ERBB4: variants seen among roughly 807,000 people sequenced by gnomAD.
The protein encoded by ERBB4 is receptor tyrosine-protein kinase erbB-4.
ERBB4 carries 42 observed loss-of-function variants against 158.0 expected under a neutral mutation model. That is an observed-to-expected ratio of 0.27 (90% confidence interval 0.21 to 0.34). The LOEUF (loss-of-function observed/expected upper bound fraction) is 0.34. Ranked by LOEUF, ERBB4 falls within the 10% of genes least tolerant of loss-of-function variation. The probability of loss-of-function intolerance (pLI) is 1.00; values close to 1 mark genes in which losing one functional copy is unlikely to be tolerated. For synonymous variants in ERBB4, 583 were observed against 558.7 expected (o/e 1.04, Z -0.61); for missense variants, 1,333 against 1,624.1 (o/e 0.82, Z 3.08).
At chr2:211,450,643 CTGATTGGATGG>C (rs1171665527) in intron 20 of ERBB4, among the ~76,000 whole-genome samples, 2 of 152,128 alleles carry the variant, frequency 1.3e-5, no homozygotes, top group African/African-American at 4.8e-5. Flanking sequence ...GTTAGTGCTA[CTGATTGGATGG>C]TGATATATGC....
chr2:212,220,045 A>C (rs1015056316), intron 1 of ERBB4, among the ~76,000 whole-genome samples: 2 of 151,148 alleles, frequency 1.3e-5, no homozygotes, highest in Non-Finnish European at 3.0e-5. Flanking sequence ...TATTTCAACT[A>C]TCACAGTACC....
At chr2:211,863,088 C>A (rs562854154) in intron 3 of ERBB4, among the ~76,000 whole-genome samples, 1 of 151,942 alleles carries the variant, frequency 6.6e-6, no homozygotes, top group Non-Finnish European at 1.5e-5. Context: ...CTGTGTCTAG[C>A]TAAAGGATTG....
At chr2:211,690,805 A>T (rs1320902580) in intron 12 of ERBB4, among the ~76,000 whole-genome samples, 2 of 152,236 alleles carry the variant, frequency 1.3e-5, no homozygotes, top group Non-Finnish European at 2.9e-5. Context: ...GCAATGGCTT[A>T]CAGTTCAAAA....
intron 3 of ERBB4, among the ~76,000 whole-genome samples, chr2:211,915,455 A>ATATATC (rs1559092488): frequency 6.6e-6 from 1 of 150,724 alleles, no homozygotes; most frequent in African/African-American, 2.4e-5. Flanking sequence ...ATATATATAT[A>ATATATC]TCTCCAATAC....
chr2:211,714,333 A>G (rs1371761083), intron 7 of ERBB4, among the ~76,000 whole-genome samples: 2 of 152,198 alleles, frequency 1.3e-5, no homozygotes, highest in Non-Finnish European at 2.9e-5. Context: ...TAGGAAACAC[A>G]ATACCTGCTA....
chr2:211,389,527 A>C (rs908344330), intron 25 of ERBB4, among the ~76,000 whole-genome samples: 1 of 152,158 alleles, frequency 6.6e-6, no homozygotes, highest in Admixed American at 6.5e-5. Flanking sequence ...GTGAGGTTAT[A>C]TCTTAATTTT....
chr2:211,773,633 TATATATATATATATA>T (rs1559506367), intron 4 of ERBB4, among the ~76,000 whole-genome samples: 4,138 of 102,812 alleles, frequency 0.04, 210 homozygotes, highest in South Asian at 0.089. Context: ...TATATATATA[TATATATATATATATA>T]ATATATATAC....
rs765692170 is a variant in ERBB4 at position 212,519,544 on chromosome 2, C to A, written c.82+18905G>T. Among the ~76,000 whole-genome samples, 3 of 150,114 alleles carry A rather than the reference C, an allele frequency of 2.0e-5. No homozygotes were observed. The Admixed American group carries it at 2.0e-4, about 10-fold the overall frequency. On this transcript the variant is annotated intron_variant, in intron 1 of 27. Transcript: ENST00000342788. ...TCACACACCAGGGCATATCAGGGGG[C>A]GGGGGGCTAGAGGAGGGATAGCATT...
intron 20 of ERBB4, among the ~76,000 whole-genome samples, chr2:211,493,189 C>T (rs1205024690): frequency 4.6e-5 from 7 of 152,080 alleles, no homozygotes; most frequent in Admixed American, 1.3e-4. Context: ...TCTACAGTTA[C>T]AGCATTTGAA....
intron 1 of ERBB4, among the ~76,000 whole-genome samples, chr2:212,175,373 T>C (rs998172042): frequency 6.6e-6 from 1 of 152,010 alleles, no homozygotes; most frequent in Non-Finnish European, 1.5e-5. Context: ...TGTCACTGTT[T>C]CTCTCTGCTT....
intron 2 of ERBB4, among the ~76,000 whole-genome samples, chr2:212,111,642 T>A (rs1461768486): frequency 6.6e-6 from 1 of 152,084 alleles, no homozygotes; most frequent in African/African-American, 2.4e-5. Flanking sequence ...CTTTTTTTTT[T>A]TATAATTAAC....
intron 1 of ERBB4, among the ~76,000 whole-genome samples, chr2:212,340,318 T>G (rs996847040): frequency 6.6e-6 from 1 of 152,168 alleles, no homozygotes; most frequent in African/African-American, 2.4e-5. Flanking sequence ...AGACAATTTT[T>G]CCACAGACAG....
At chr2:212,011,090 A>G (rs2076375601) in intron 2 of ERBB4, among the ~76,000 whole-genome samples, 3 of 152,290 alleles carry the variant, frequency 2.0e-5, no homozygotes, top group Middle Eastern at 6.8e-3. Flanking sequence ...TTTACAATCA[A>G]TTTGTACAGC....
intron 1 of ERBB4, among the ~76,000 whole-genome samples, chr2:212,457,714 C>A (rs904950364): frequency 1.3e-5 from 2 of 152,010 alleles, no homozygotes; most frequent in Admixed American, 1.3e-4. Context: ...TGGCTAGAAC[C>A]ATTTGAAAGG....
intron 2 of ERBB4, among the ~76,000 whole-genome samples, chr2:212,054,254 G>A (rs1166760312): frequency 3.3e-5 from 5 of 152,146 alleles, no homozygotes; most frequent in African/African-American, 4.8e-5. Context: ...TGGAGAGTAA[G>A]AACAGGTTAA....
At chr2:211,530,428 G>A (rs1040365118) in intron 20 of ERBB4, among the ~76,000 whole-genome samples, 6 of 152,018 alleles carry the variant, frequency 3.9e-5, no homozygotes, top group African/African-American at 9.7e-5. Context: ...AATACCTAAA[G>A]CAACCTACAG....
chr2:211,847,602 C>A (rs2077621174), intron 3 of ERBB4, among the ~76,000 whole-genome samples: 1 of 151,634 alleles, frequency 6.6e-6, no homozygotes, highest in South Asian at 2.1e-4. Flanking sequence ...TGGCCCAAAA[C>A]AAATTTGTAA....
chr2:212,241,278 T>TA (rs67393658), intron 1 of ERBB4, among the ~76,000 whole-genome samples: 3 of 151,472 alleles, frequency 2.0e-5, no homozygotes, highest in African/African-American at 7.3e-5. Flanking sequence ...AATAAAAAAA[T>TA]AAAAAAAATT....
intron 1 of ERBB4, among the ~76,000 whole-genome samples, chr2:212,167,004 G>A (rs1284298096): frequency 6.6e-6 from 1 of 152,032 alleles, no homozygotes; most frequent in Non-Finnish European, 1.5e-5. Context: ...AGAAAACCTT[G>A]GCAATACCAT....
Sources: gnomAD v4.1 joint callset for allele counts (sites outside exome capture counted in the v4.1 genomes callset) on GRCh38, gnomAD v4.1.1 for gene constraint, MANE v1.5 for transcripts, NCBI Gene and HGNC (gene_info 2026-07-23, HGNC 2026-07-21) for gene names.